Variants in ST18 observed in about 807,000 individuals in gnomAD.
The protein encoded by ST18 is suppression of tumorigenicity 18 protein.
In ST18, 50 loss-of-function variants were observed where a neutral mutation model predicts 110.0. That is an observed-to-expected ratio of 0.45 (90% CI 0.36 to 0.58). The LOEUF (loss-of-function observed/expected upper bound fraction) is 0.58, where lower values mean the gene tolerates loss of function less well. ST18 is among the 20% of genes least tolerant of loss of function. The pLI, the probability that ST18 is intolerant of heterozygous loss-of-function variation, is 0.00. For synonymous variants in ST18, 461 were observed against 452.4 expected (o/e 1.02, Z -0.24); for missense variants, 1,306 against 1,280.1 (o/e 1.02, Z -0.31).
intron 2 of ST18, among the ~76,000 whole-genome samples, chr8:52,309,543 A>T: frequency 6.6e-6 from 1 of 150,740 alleles, no homozygotes; most frequent in African/African-American, 2.4e-5. Context: ...AAAAAAAAAA[A>T]AGAAATCACG....
chr8:52,310,493 T>C (rs2095886627), intron 2 of ST18, among the ~76,000 whole-genome samples: 1 of 152,222 alleles, frequency 6.6e-6, no homozygotes, highest in South Asian at 2.1e-4. Context: ...GAATTATATC[T>C]AAATTGCATG....
rs774885425 is a variant in ST18 at position 52,116,266 on chromosome 8, T to C, written c.3003+9A>G. The stretch of plus-strand genomic sequence containing the variant: ...TAATGGAATGGCAAGGTTCTGGCCT[T>C]GAACTTACCATCTGTGGAAGCTGGA... On this transcript the variant is annotated intron_variant, in intron 25 of 25. Transcript: ENST00000689386. The C allele has an allele frequency of 3.2e-5, 52 of 1,612,374 alleles. No individual in the cohort carries two copies. The highest frequency in any genetic ancestry group is 2.3e-4 in the Admixed American group (14 of 59,856).
intron 2 of ST18, among the ~76,000 whole-genome samples, chr8:52,254,730 C>T (rs1256114078): frequency 6.6e-6 from 1 of 152,038 alleles, no homozygotes; most frequent in Non-Finnish European, 1.5e-5. Context: ...TTTGCAGGCT[C>T]GAGTGTTCTG....
intron 21 of ST18, 146 bp from the exon 22 acceptor site, chr8:52,132,325 C>G (rs1320746102): frequency 3.0e-6 from 2 of 656,088 alleles, no homozygotes; most frequent in Non-Finnish European, 5.1e-6. Flanking sequence ...AGGCTCAGAG[C>G]TACGCGATTT....
chr8:52,248,729 C>G (rs2094054197), intron 2 of ST18, among the ~76,000 whole-genome samples: 1 of 152,134 alleles, frequency 6.6e-6, no homozygotes, highest in Non-Finnish European at 1.5e-5. Flanking sequence ...AAGCAAATAA[C>G]CACTAATCCT....
chr8:52,348,791 G>A (rs1232681002), intron 2 of ST18, among the ~76,000 whole-genome samples: 1 of 152,116 alleles, frequency 6.6e-6, no homozygotes, highest in Non-Finnish European at 1.5e-5. Context: ...AAGTTGTGAA[G>A]TATATATACA....
At position 52,156,488 on chromosome 8, in the gene ST18, G is replaced by A. The variant is rs370021774; in HGVS notation, c.1806+2410C>T. 2.4e-4 allele frequency among the ~76,000 whole-genome samples: 37 copies of A among 152,330 alleles called. 1 individual carries two copies. In the South Asian group the frequency reaches 7.7e-3, roughly 32 times the overall value. On this transcript the variant is annotated intron_variant, in intron 15 of 25. Coordinates refer to ENST00000689386, the MANE Select transcript of ST18 (RefSeq NM_001352837.2). ...AGATAATCAGGCTAGCATTCAATGT[G>A]GAGGTGAAGTCTGTCTCTGCTTAAT...
chr8:52,379,027 A>C (rs1483530389), intron 2 of ST18, among the ~76,000 whole-genome samples: 3 of 152,176 alleles, frequency 2.0e-5, no homozygotes, highest in African/African-American at 7.2e-5. Context: ...AAATTTTACT[A>C]CAGATGAAAT....
chr8:52,276,989 A>T (rs1340687547), intron 2 of ST18, among the ~76,000 whole-genome samples: 1 of 151,976 alleles, frequency 6.6e-6, no homozygotes, highest in East Asian at 1.9e-4. Flanking sequence ...CTGGTCACGA[A>T]CTCCTGACCT....
chr8:52,377,167 A>G (rs1480074291), intron 2 of ST18, among the ~76,000 whole-genome samples: 1 of 152,234 alleles, frequency 6.6e-6, no homozygotes, highest in Non-Finnish European at 1.5e-5. Flanking sequence ...TGCTGTAGAC[A>G]ACATGGTTAA....
intron 2 of ST18, among the ~76,000 whole-genome samples, chr8:52,279,013 T>C (rs532533751): frequency 6.6e-6 from 1 of 152,202 alleles, no homozygotes; most frequent in South Asian, 2.1e-4. Context: ...TAAAAGACAA[T>C]AATAAATCAG....
chr8:52,196,064 T>C (rs988952100), intron 8 of ST18, among the ~76,000 whole-genome samples: 1 of 152,196 alleles, frequency 6.6e-6, no homozygotes, highest in Non-Finnish European at 1.5e-5. Context: ...GAAATTTTAT[T>C]AGCAGAATAT....
chr8:52,377,722 T>A (rs1217309349), intron 2 of ST18, among the ~76,000 whole-genome samples: 1 of 152,140 alleles, frequency 6.6e-6, no homozygotes, highest in African/African-American at 2.4e-5. Context: ...AATAGAACTA[T>A]GATATGATCC....
At chr8:52,190,169 A>G (rs1255105058) in intron 8 of ST18, among the ~76,000 whole-genome samples, 1 of 152,202 alleles carries the variant, frequency 6.6e-6, no homozygotes, top group Non-Finnish European at 1.5e-5. Context: ...ATTTTAAAAA[A>G]TATTGTATGG....
chr8:52,227,481 G>C (rs1440697040), intron 3 of ST18, among the ~76,000 whole-genome samples: 3 of 152,144 alleles, frequency 2.0e-5, no homozygotes, highest in African/African-American at 7.2e-5. Flanking sequence ...GAGATTCAGA[G>C]AACTATGACT....
chr8:52,136,496 C>T (rs1032322909), intron 19 of ST18, 94 bp downstream of exon 19: 4 of 1,271,692 alleles, frequency 3.1e-6, no homozygotes, highest in Admixed American at 4.1e-5. Context: ...GGACATACTG[C>T]TTGTTGCTGA....
intron 2 of ST18, among the ~76,000 whole-genome samples, chr8:52,339,750 A>G (rs1426594191): frequency 6.6e-6 from 1 of 152,206 alleles, no homozygotes. Context: ...CTCAGGGGCC[A>G]CTGCTCTGAG....
At chr8:52,359,870 G>C (rs1235746673) in intron 2 of ST18, among the ~76,000 whole-genome samples, 1 of 152,152 alleles carries the variant, frequency 6.6e-6, no homozygotes, top group Non-Finnish European at 1.5e-5. Context: ...ATTGATAAAA[G>C]TACACAGTGA....
chr8:52,132,108 C>G lies in ST18; in HGVS notation c.2516G>C (p.Gly839Ala), dbSNP rs138745999. 1.8e-5 allele frequency: 29 copies of G among 1,614,060 alleles called. No individual in the cohort carries two copies. The highest frequency in any genetic ancestry group is 3.3e-4 in the Middle Eastern group (2 of 6,078). ...CTGTCTCTTGGCAGCCAGAGGACAG[C>G]CAGAAGCTGTGCGGTGTGATGTGTA... ...GKYTSHRTAS[G>A]CPLAAKRQKE... is the part of the protein sequence containing the mutation. The change falls in exon 22 of 26, where the codon GGC (glycine) becomes GCC (alanine). Residue 839 changes from glycine to alanine, a missense_variant. Physicochemically the swap from Gly to Ala is moderately conservative, Grantham distance 60 (BLOSUM62 0). Coordinates refer to ENST00000689386, the MANE Select transcript of ST18 (RefSeq NM_001352837.2).
Sources: gnomAD v4.1 joint callset for allele counts (sites outside exome capture counted in the v4.1 genomes callset) on GRCh38, gnomAD v4.1.1 for gene constraint, MANE v1.5 for transcripts, NCBI Gene and HGNC (gene_info 2026-07-23, HGNC 2026-07-21) for gene names.